CLU: variants seen among roughly 807,000 people sequenced by gnomAD.
The protein encoded by CLU is aging-associated protein 4.
CLU carries 25 observed loss-of-function variants against 46.4 expected under a neutral mutation model. That is an observed-to-expected ratio of 0.54 (90% confidence interval 0.39 to 0.75). CLU has a LOEUF of 0.75. CLU is among the 30% of genes least tolerant of loss of function. CLU has a pLI of 0.00. For synonymous variants in CLU, 235 were observed against 235.1 expected (o/e 1.00, Z 0.00); for missense variants, 504 against 592.1 (o/e 0.85, Z 1.54).
At chr8:27,598,866 GC>G (rs199668668) in intron 7 of CLU, 14,948 of 571,790 alleles carry the variant, frequency 0.026, 269 homozygotes, top group Middle Eastern at 0.036. Flanking sequence ...CAAATGACCA[GC>G]CCAGGGAGCA....
In CLU at chr8:27,597,339, G is replaced by T. The variant is rs531190008; in HGVS notation, c.*902C>A. Reference sequence around the variant, plus strand: ...GTAGTCATGGCCACCTGCTGGCAGCGTAGGGTACTGCAGCCCAGCTATGGT... The same window carrying T: ...GTAGTCATGGCCACCTGCTGGCAGCTTAGGGTACTGCAGCCCAGCTATGGT... On this transcript the variant is annotated 3_prime_UTR_variant, in exon 9 of 9. Transcript: ENST00000316403. 3.5e-5 allele frequency: 16 copies of T among 454,418 alleles called. No individual in the cohort carries two copies. Among genetic ancestry groups the T allele is most frequent in the East Asian group, 6.9e-5 (1 of 14,412 alleles). The allele number at this position is 454,418 out of a possible 1,614,324, so 28.1% of individuals were successfully genotyped here.
intron 3 of CLU, 57 bp downstream of exon 3, chr8:27,608,881 C>A: frequency 6.2e-7 from 1 of 1,603,106 alleles, no homozygotes; most frequent in Non-Finnish European, 8.5e-7. Flanking sequence ...CAGTGACCCC[C>A]TCCCTCCCCT....
In CLU at chr8:27,599,751, C is replaced by A; in HGVS notation, c.1164+29G>T. On this transcript the variant is annotated intron_variant, in intron 7 of 8. Transcript: ENST00000316403. The surrounding 1 kb of genome is among the most constrained non-coding windows in gnomAD (Gnocchi z 4.0). ...CCCGATCACAGCTCGGGCTCCCGAGCCACAGCATGTGGCCGGGACACAGCT... is the reference window on the plus strand; with the variant it reads ...CCCGATCACAGCTCGGGCTCCCGAGACACAGCATGTGGCCGGGACACAGCT... 6.5e-7 allele frequency: 1 copy of A among 1,548,752 alleles called. No individual in the cohort carries two copies. The highest frequency in any genetic ancestry group is 1.1e-5 in the South Asian group (1 of 87,310).
At chr8:27,604,495 C>G in intron 5 of CLU, 100 bp from the exon 6 acceptor site, 1 of 976,960 alleles carries the variant, frequency 1.0e-6, no homozygotes, top group Non-Finnish European at 1.6e-6. Flanking sequence ...AATTTACAGA[C>G]AGGGTCTCAC....
At chr8:27,609,774 T>C (rs1800888600) in intron 2 of CLU, among the ~76,000 whole-genome samples, 1 of 151,898 alleles carries the variant, frequency 6.6e-6, no homozygotes, top group Admixed American at 6.6e-5. Context: ...GTTCTGGAGG[T>C]CTAACATACA....
intron 1 of CLU, chr8:27,611,607 G>A (rs1563389621): frequency 2.2e-6 from 1 of 456,766 alleles, no homozygotes; most frequent in Non-Finnish European, 4.4e-6. Context: ...TCACCCATTT[G>A]CCATCACAGA....
At chr8:27,608,575 C>A (rs1208109286) in intron 3 of CLU, 2 of 442,982 alleles carry the variant, frequency 4.5e-6, no homozygotes, top group East Asian at 4.8e-5. Flanking sequence ...AACCATATCA[C>A]CCCTATTAGA....
intron 1 of CLU, chr8:27,611,485 G>A (rs1425027054): frequency 4.4e-6 from 2 of 456,428 alleles, no homozygotes; most frequent in Admixed American, 2.3e-5. Context: ...CCATAGCCCC[G>A]GTCTTACACA....
chr8:27,610,499 T>G lies in CLU; in HGVS notation c.73A>C (p.Thr25Pro). 4 of 1,614,154 alleles carry G rather than the reference T, an allele frequency of 2.5e-6. No homozygotes were observed. Among genetic ancestry groups the G allele is most frequent in the Non-Finnish European group, 3.4e-6 (4 of 1,179,962 alleles). Residue 25 changes from threonine (T) to proline (P), a missense_variant, in exon 2 of 9, where the codon ACG (threonine) becomes CCG (proline). By Grantham distance (38) the Thr-to-Pro change is conservative. Around this residue, in one of 3 missense-constraint regions of CLU, gnomAD observed 73 missense variants for 91.2 expected, o/e 0.80. Transcript: ENST00000316403. Reference protein sequence around the residue: ...WESGQVLGDQTVSDNELQEMS... With the variant: ...WESGQVLGDQPVSDNELQEMS... ...CCCTGGAGCTCATTGTCTGAGACCG[T>G]CTGGTCCCCCAGGACCTGCCCACTC...
At chr8:27,603,848 C>G (rs974973581) in intron 6 of CLU, among the ~76,000 whole-genome samples, 1 of 152,126 alleles carries the variant, frequency 6.6e-6, no homozygotes, top group Admixed American at 6.5e-5. Context: ...AAATGTATGT[C>G]GAGTGTTTAG....
At chr8:27,610,654 C>G (rs146878138) in intron 1 of CLU, 54 bp from the exon 2 acceptor site, 4 of 1,409,208 alleles carry the variant, frequency 2.8e-6, no homozygotes, top group Non-Finnish European at 4.0e-6. Context: ...GCTGGCGTCC[C>G]GCCCACCTGC....
chr8:27,599,929 TG>T lies in CLU; in HGVS notation c.1014del (p.Arg339GlyfsTer7). The T allele has an allele frequency of 1.2e-6, 2 of 1,614,212 alleles. No individual in the cohort carries two copies. Among genetic ancestry groups the T allele is most frequent in the Non-Finnish European group, 1.7e-6 (2 of 1,180,024 alleles). On this transcript the variant is annotated frameshift_variant, in exon 7 of 9. Coordinates refer to ENST00000316403, the MANE Select transcript of CLU (RefSeq NM_001831.4). LOFTEE classifies it high-confidence loss of function. This position sits in a 1 kb window ranked among gnomAD's most constrained non-coding sequence, Gnocchi z 4.0. Reference protein sequence around the residue: ...DESLQVAERLTRKYNELLKSY... With the variant: ...DESLQVAERLXRKYNELLKSY... ...GACTTTAGCAGCTCGTTGTATTTCC[TG>T]GTCAACCTCTCAGCGACCTGGAGGG...
At position 27,597,818 on chromosome 8, in the gene CLU, T is replaced by G. The variant is rs750972205; in HGVS notation, c.*423A>C. 2 of 463,756 alleles carry G rather than the reference T, an allele frequency of 4.3e-6. No individual in the cohort carries two copies. The highest frequency in any genetic ancestry group is 3.1e-5 in the South Asian group (2 of 64,552). The allele number at this position is 463,756 out of a possible 1,614,324, so 28.7% of individuals were successfully genotyped here. A position where few individuals can be genotyped will look rare whatever the true frequency, so the allele number is the denominator to read the frequency against. On this transcript the variant is annotated 3_prime_UTR_variant, in exon 9 of 9. Transcript: ENST00000316403. Reference sequence around the variant, plus strand: ...TTCTTGAAGTGGATCAACCTTGTCATCATATCCCTTTTATTCTTCACCCTT... The same window carrying G: ...TTCTTGAAGTGGATCAACCTTGTCAGCATATCCCTTTTATTCTTCACCCTT...
chr8:27,604,480 T>G, intron 5 of CLU, 85 bp from the exon 6 acceptor site: 1 of 1,145,494 alleles, frequency 8.7e-7, no homozygotes, highest in Non-Finnish European at 1.3e-6. Flanking sequence ...TTTTATTTAT[T>G]TTTTAATTTA....
chr8:27,605,638 C>T (rs955540184), intron 4 of CLU, among the ~76,000 whole-genome samples: 10 of 152,366 alleles, frequency 6.6e-5, no homozygotes, highest in African/African-American at 1.7e-4. Flanking sequence ...CACCCCCGCT[C>T]GGCTAAGGGC....
intron 5 of CLU, 52 bp from the exon 6 acceptor site, chr8:27,604,447 A>G (rs762262776): frequency 1.5e-6 from 2 of 1,309,532 alleles, no homozygotes; most frequent in Admixed American, 3.4e-5. Context: ...GCAGAGATGG[A>G]CTCCACTGAT....
intron 8 of CLU, 35 bp from the exon 9 acceptor site, chr8:27,598,285 C>A (rs1477552595): frequency 6.2e-7 from 1 of 1,613,294 alleles, no homozygotes. Flanking sequence ...CAAAGTAAAA[C>A]ATCCTCCAAA....
rs1162782565 is a variant in CLU, at chr8:27,605,168, G to T, written c.585C>A (p.Phe195Leu). 1.2e-6 allele frequency: 2 copies of T among 1,614,126 alleles called. No homozygotes were observed. The highest frequency in any genetic ancestry group is 1.7e-6 in the Non-Finnish European group (2 of 1,180,056). ...AGGTATCCTGGGGCTCCCGGGTGAA[G>T]AACCTGTCCTGGAAGAGCTCGTCTA... ...SIIDELFQDR[F>L]FTREPQDTYH... is the part of the protein sequence containing the mutation. Residue 195 changes from phenylalanine to leucine, a missense_variant, in exon 5 of 9, where the codon TTC becomes TTA. Phe to Leu is a conservative substitution (Grantham distance 22, BLOSUM62 0). Around this residue, in one of 3 missense-constraint regions of CLU, gnomAD observed 428 missense variants for 484.0 expected, o/e 0.88. Coordinates refer to ENST00000316403, the MANE Select transcript of CLU (RefSeq NM_001831.4).
chr8:27,599,046 T>TTA lies in CLU; in HGVS notation c.1165-413_1165-412dup, dbSNP rs774773780. The TTA allele has an allele frequency of 3.3e-3, 497 of 152,564 alleles. No homozygotes were observed. The highest frequency in any genetic ancestry group is 0.011 in the East Asian group (57 of 5,220). The allele number at this position is 152,564 out of a possible 1,614,324, so 9.5% of individuals were successfully genotyped here. On this transcript the variant is annotated intron_variant, in intron 7 of 8. Coordinates refer to ENST00000316403, the MANE Select transcript of CLU (RefSeq NM_001831.4). The surrounding 1 kb of genome is among the most constrained non-coding windows in gnomAD (Gnocchi z 4.0). ...GATTTTTTAACTTTATTTTATTATTTTATATATATATATTTTTTAAGAGAC... is the reference window on the plus strand; with the variant it reads ...GATTTTTTAACTTTATTTTATTATTTTATATATATATATATTTTTTAAGAGAC...
Sources: allele counts gnomAD v4.1 joint callset (sites outside exome capture counted in the v4.1 genomes callset), GRCh38; gene constraint gnomAD v4.1.1; regional missense constraint gnomAD v4.1.1; non-coding constraint Gnocchi (gnomAD v3.1); transcripts MANE v1.5; gene names NCBI Gene and HGNC (gene_info 2026-07-23, HGNC 2026-07-21).